Variants in STIP1 observed in about 807,000 individuals in gnomAD.
STIP1 encodes stress-induced-phosphoprotein 1.
Under a neutral mutation model 77.4 loss-of-function variants are expected in STIP1, and 16 were observed. The observed-to-expected ratio is 0.21, with a 90% CI of 0.14 to 0.31. STIP1 has a LOEUF of 0.31. Among genes scored for constraint, STIP1 ranks in the 10% least tolerant of loss-of-function variants. STIP1 has a pLI of 1.00. For synonymous variants in STIP1, 258 were observed against 246.6 expected (o/e 1.05, Z -0.44); for missense variants, 524 against 684.8 (o/e 0.77, Z 2.62).
intron 3 of STIP1, 33 bp from the exon 4 acceptor site, chr11:64,194,446 T>G: frequency 6.2e-7 from 1 of 1,613,556 alleles, no homozygotes; most frequent in Non-Finnish European, 8.5e-7. Context: ...GTGAACTCAT[T>G]TCATAGTGAT....
intron 10 of STIP1, among the ~76,000 whole-genome samples, chr11:64,201,108 C>G (rs1456105472): frequency 6.6e-6 from 1 of 151,878 alleles, no homozygotes; most frequent in Non-Finnish European, 1.5e-5. Flanking sequence ...GGCACAATCT[C>G]AGCTCACTGC....
chr11:64,202,730 C>G (rs1252121623), intron 10 of STIP1, 146 bp from the exon 11 acceptor site: 4 of 816,064 alleles, frequency 4.9e-6, no homozygotes, highest in Non-Finnish European at 6.2e-6. Context: ...TGGGATGATC[C>G]ATCATCTGGA....
At position 64,194,341 on chromosome 11, in the gene STIP1, C is replaced by T. The variant is rs1474339148; in HGVS notation, c.361+11C>T. On this transcript the variant is annotated intron_variant, in intron 3 of 13. Coordinates refer to ENST00000305218, the MANE Select transcript of STIP1 (RefSeq NM_006819.3). ...AGGCCAGGTTGGCAGGTAGGTACCA[C>T]GCACAGTTTTCTTTCTTATTATTAA... is the stretch of plus-strand genomic sequence containing the variant. The T allele has an allele frequency of 9.9e-6, 16 of 1,612,354 alleles. No homozygotes were observed. The highest frequency in any genetic ancestry group is 4.4e-5 in the South Asian group (4 of 90,644).
chr11:64,190,340 A>AT (rs1021767671), intron 1 of STIP1, among the ~76,000 whole-genome samples: 2 of 151,738 alleles, frequency 1.3e-5, no homozygotes, highest in Non-Finnish European at 2.9e-5. Context: ...CGCCCGGCTA[A>AT]TTTTTTTTGT....
At chr11:64,187,262 C>A (rs1432543453) in intron 1 of STIP1, among the ~76,000 whole-genome samples, 2 of 152,070 alleles carry the variant, frequency 1.3e-5, no homozygotes, top group African/African-American at 2.4e-5. Context: ...TGTAATGATT[C>A]ATCGGAAGAA....
chr11:64,203,438 T>C lies in STIP1; in HGVS notation c.1387-12T>C. On this transcript the variant is annotated splice_polypyrimidine_tract_variant and intron_variant, in intron 12 of 13. Transcript: ENST00000305218. ...CCTAACACGCTTCACCTTTGTCTCTTCTGGACTGCAGGAGGCGGCAGACGG... is the reference window on the plus strand; with the variant it reads ...CCTAACACGCTTCACCTTTGTCTCTCCTGGACTGCAGGAGGCGGCAGACGG... The C allele has an allele frequency of 6.2e-7, 1 of 1,613,968 alleles. No individual in the cohort carries two copies. Among genetic ancestry groups the C allele is most frequent in the Non-Finnish European group, 8.5e-7 (1 of 1,179,890 alleles).
At chr11:64,187,218 A>G (rs1459801766) in intron 1 of STIP1, among the ~76,000 whole-genome samples, 1 of 152,150 alleles carries the variant, frequency 6.6e-6, no homozygotes, top group Non-Finnish European at 1.5e-5. Flanking sequence ...TGAAAGGCCT[A>G]GAGGTTTTGT....
At chr11:64,185,466 G>A (rs757021205), upstream of STIP1, 1 of 299,754 alleles carries the variant, frequency 3.3e-6, no homozygotes, top group Non-Finnish European at 6.3e-6. Context: ...GAGGCAGGAG[G>A]GCCGGGCCGA....
chr11:64,185,960 TG>T (rs776969336), upstream of STIP1: 217 of 1,538,038 alleles, frequency 1.4e-4, no homozygotes, highest in Non-Finnish European at 1.8e-4. Context: ...CCTCCATTCG[TG>T]GAGCCTGAGA....
At chr11:64,195,347 C>T (rs7109921) in intron 4 of STIP1, among the ~76,000 whole-genome samples, 16,853 of 152,172 alleles carry the variant, frequency 0.11, 1,165 homozygotes, top group Non-Finnish European at 0.16. Context: ...AACTCCTGAC[C>T]TCAAGTGGTC....
rs1207485876 is a variant in STIP1 at position 64,203,727 on chromosome 11, A to G, written c.1559+105A>G. The G allele has an allele frequency of 2.8e-6, 4 of 1,427,526 alleles. No homozygotes were observed. In the East Asian group the frequency reaches 9.6e-5, roughly 34 times the overall value. 88.4% of individuals were successfully genotyped at this position (1,427,526 alleles called of 1,614,324 possible). A position where few individuals can be genotyped will look rare whatever the true frequency, so the allele number is the denominator to read the frequency against. ...TATGCTCAGTCTGCGAGGAAGAGGA[A>G]TTCTGTCATTCTTCCTAAACTTAAG... is the stretch of plus-strand genomic sequence containing the variant. On this transcript the variant is annotated intron_variant, in intron 13 of 13. Transcript: ENST00000305218.
At chr11:64,195,883 C>A in intron 5 of STIP1, 70 bp downstream of exon 5, 2 of 1,590,276 alleles carry the variant, frequency 1.3e-6, no homozygotes, top group South Asian at 1.1e-5. Context: ...TGAATGGGGA[C>A]ATCTGTTGAC....
At chr11:64,203,781 G>T in intron 13 of STIP1, 159 bp downstream of exon 13, 2 of 895,274 alleles carry the variant, frequency 2.2e-6, no homozygotes, top group Non-Finnish European at 3.4e-6. Context: ...CGAGCTGGAA[G>T]GGCTTTGTTA....
At chr11:64,186,165 C>A, upstream of STIP1, 3 of 1,550,610 alleles carry the variant, frequency 1.9e-6, no homozygotes, top group South Asian at 2.4e-5. Context: ...GAGCCGGGGT[C>A]CCGGTAGCTT....
In STIP1 at chr11:64,203,325, TTC is replaced by T. The variant is rs973142646; in HGVS notation, c.1386+103_1386+104del. The T allele has an allele frequency of 1.5e-5, 23 of 1,565,826 alleles. No homozygotes were observed. In the African/African-American group the frequency reaches 2.0e-4, roughly 14 times the overall value. ...CTGATTTCTTCCCTGTCACCTCCAT[TTC>T]TCTCTGTTTCTCTCTTACTTGTTCT... On this transcript the variant is annotated intron_variant, in intron 12 of 13. Transcript: ENST00000305218.
In STIP1 at chr11:64,200,074, G is replaced by A. The variant is rs756151202; in HGVS notation, c.1120+38G>A. 6 of 1,613,802 alleles carry A rather than the reference G, an allele frequency of 3.7e-6. No individual in the cohort carries two copies. The Admixed American group carries it at 8.3e-5, about 22-fold the overall frequency. On this transcript the variant is annotated intron_variant, in intron 9 of 13. Transcript: ENST00000305218. ...GCTGGGGGATTGGGGGAGCAGTGCT[G>A]GGTGTGCCTCCCGTGCCTGGCTGTG...
At chr11:64,192,083 C>T (rs1298820519) in intron 1 of STIP1, among the ~76,000 whole-genome samples, 3 of 152,134 alleles carry the variant, frequency 2.0e-5, no homozygotes, top group Non-Finnish European at 4.4e-5. Flanking sequence ...GAGGCCAAGG[C>T]GTGTGGATCA....
intron 1 of STIP1, among the ~76,000 whole-genome samples, chr11:64,188,523 G>A (rs1946053906): frequency 6.6e-6 from 1 of 152,030 alleles, no homozygotes; most frequent in African/African-American, 2.4e-5. Context: ...GAGTAGCTGG[G>A]CACACCACCA....
At chr11:64,198,753 G>GTTTTTT (rs371481270) in intron 8 of STIP1, among the ~76,000 whole-genome samples, 16 of 111,026 alleles carry the variant, frequency 1.4e-4, no homozygotes, top group Non-Finnish European at 2.5e-4. Context: ...TTTTTTTGTG[G>GTTTTTT]TTTTTTTTTT....
Sources: allele counts gnomAD v4.1 joint callset (sites outside exome capture counted in the v4.1 genomes callset), GRCh38; gene constraint gnomAD v4.1.1; transcripts MANE v1.5; gene names NCBI Gene and HGNC (gene_info 2026-07-23, HGNC 2026-07-21).